The following VPS13A variants were observed in gnomAD, a reference collection of about 807,000 sequenced individuals.
VPS13A encodes the protein intermembrane lipid transfer protein VPS13A.
In VPS13A, 264 loss-of-function variants were observed where a neutral mutation model predicts 390.9. The observed-to-expected ratio is 0.68, with a 90% confidence interval of 0.61 to 0.75. VPS13A has a LOEUF of 0.75. Ranked by LOEUF, VPS13A falls within the 30% of genes least tolerant of loss-of-function variation. VPS13A has a pLI of 0.00. For missense variants in VPS13A, 3,409 were observed against 3,733.9 expected (o/e 0.91, Z 2.27); for synonymous variants, 1,231 against 1,227.1 (o/e 1.00, Z -0.07).
At chr9:77,192,146 T>A (rs73464056) in intron 1 of VPS13A, among the ~76,000 whole-genome samples, 2,852 of 152,314 alleles carry the variant, frequency 0.019, 60 homozygotes, top group African/African-American at 0.052. Context: ...GTCTGTTTTG[T>A]CTGAAATAAG....
intron 67 of VPS13A, among the ~76,000 whole-genome samples, chr9:77,376,911 C>G (rs1489923939): frequency 6.6e-6 from 1 of 151,980 alleles, no homozygotes; most frequent in Non-Finnish European, 1.5e-5. Context: ...GAGGAAGACC[C>G]AGAAAAGGAG....
rs549386558 is a variant in VPS13A at position 77,281,335 on chromosome 9, A to G, written c.2905-532A>G. Reference sequence around the variant, plus strand: ...GAAAGATAGGAAAGCGAGGTGACAGATATGTTAGTTAGCTTAATTTAATCA... The same window carrying G: ...GAAAGATAGGAAAGCGAGGTGACAGGTATGTTAGTTAGCTTAATTTAATCA... On this transcript the variant is annotated intron_variant, in intron 27 of 71. Transcript: ENST00000360280. Among the ~76,000 whole-genome samples the G allele has an allele frequency of 5.3e-5, 8 of 152,332 alleles. No individual in the cohort carries two copies. In the South Asian group the frequency reaches 1.0e-3, roughly 20 times the overall value.
chr9:77,274,864 G>A (rs540279309), intron 24 of VPS13A, among the ~76,000 whole-genome samples: 19 of 151,966 alleles, frequency 1.3e-4, no homozygotes, highest in African/African-American at 4.6e-4. Context: ...GTTTATTAGG[G>A]ATATACTTCT....
intron 68 of VPS13A, among the ~76,000 whole-genome samples, chr9:77,383,856 T>A (rs370231649): frequency 6.6e-6 from 1 of 151,306 alleles, no homozygotes; most frequent in African/African-American, 2.4e-5. Context: ...TTACACAGTA[T>A]TAGCTGAAAT....
chr9:77,374,249 T>C (rs543436004), intron 67 of VPS13A, among the ~76,000 whole-genome samples: 121 of 152,306 alleles, frequency 7.9e-4, no homozygotes, highest in Non-Finnish European at 1.5e-3. Flanking sequence ...TGTTTTCTCC[T>C]GTACATACAT....
intron 17 of VPS13A, among the ~76,000 whole-genome samples, chr9:77,233,335 AC>A (rs1272067557): frequency 6.7e-6 from 1 of 150,342 alleles, no homozygotes; most frequent in Admixed American, 6.6e-5. Context: ...AAATATGTTA[AC>A]CTTTTCAAAG....
At chr9:77,178,021 A>G (rs987849848) in intron 1 of VPS13A, 2 of 537,774 alleles carry the variant, frequency 3.7e-6, no homozygotes, top group Non-Finnish European at 3.4e-6. Context: ...GGAGAGGGTC[A>G]TGAGTGCGGG....
chr9:77,189,198 A>G (rs548742043), intron 1 of VPS13A, among the ~76,000 whole-genome samples: 44 of 145,644 alleles, frequency 3.0e-4, no homozygotes, highest in Non-Finnish European at 5.8e-4. Flanking sequence ...GCTTATGTCC[A>G]GCATGGTATT....
In VPS13A at chr9:77,406,919, T is replaced by C. The variant is rs570368119; in HGVS notation, c.9400-614T>C. On this transcript the variant is annotated intron_variant, in intron 70 of 71. Coordinates refer to ENST00000360280, the MANE Select transcript of VPS13A (RefSeq NM_033305.3). ...CTGTTTGCCCCTGATATGCTTAATATCTGCTCTGAGACAGTCCCACTCCCC... is the reference window on the plus strand; with the variant it reads ...CTGTTTGCCCCTGATATGCTTAATACCTGCTCTGAGACAGTCCCACTCCCC... Among the ~76,000 whole-genome samples, 3 of 152,246 alleles carry C rather than the reference T, an allele frequency of 2.0e-5. No homozygotes were observed. The East Asian group carries it at 5.8e-4, about 29-fold the overall frequency.
At chr9:77,414,885 T>C (rs183877519) in intron 71 of VPS13A, among the ~76,000 whole-genome samples, 1 of 152,264 alleles carries the variant, frequency 6.6e-6, no homozygotes, top group East Asian at 1.9e-4. Flanking sequence ...ATCCTGGCTG[T>C]GGTGACTGTT....
chr9:77,385,073 T>C (rs1833622898), intron 68 of VPS13A: 1 of 1,000,564 alleles, frequency 1.0e-6, no homozygotes. Flanking sequence ...TTTAATGTAA[T>C]GCCACTGTGT....
chr9:77,201,313 G>T, intron 2 of VPS13A, 52 bp from the exon 3 acceptor site: 2 of 1,317,166 alleles, frequency 1.5e-6, no homozygotes, highest in African/African-American at 1.5e-5. Context: ...CATTTATGTT[G>T]TTAAACTCTA....
chr9:77,208,170 T>C (rs1433190041), intron 5 of VPS13A, among the ~76,000 whole-genome samples: 1 of 152,122 alleles, frequency 6.6e-6, no homozygotes, highest in Non-Finnish European at 1.5e-5. Flanking sequence ...GTGGTGAGAG[T>C]CAAAGATTAA....
chr9:77,246,831 A>T (rs1160671505), intron 19 of VPS13A, among the ~76,000 whole-genome samples: 4 of 152,186 alleles, frequency 2.6e-5, no homozygotes, highest in African/African-American at 9.7e-5. Context: ...TTGATAATCC[A>T]GGATTTTTTA....
At chr9:77,334,566 C>T (rs1830443223) in intron 46 of VPS13A, among the ~76,000 whole-genome samples, 1 of 152,112 alleles carries the variant, frequency 6.6e-6, no homozygotes, top group Admixed American at 6.5e-5. Context: ...ACCACTCTGC[C>T]CTCAGTCTAC....
chr9:77,368,152 T>C lies in VPS13A; in HGVS notation c.8553+16T>C. The stretch of plus-strand genomic sequence containing the variant: ...TTCAAAACAGGTTTGTCTAAGATTA[T>C]ATTACAGAGGGACAGAGTGATACAG... On this transcript the variant is annotated intron_variant, in intron 62 of 71. Coordinates refer to ENST00000360280, the MANE Select transcript of VPS13A (RefSeq NM_033305.3). 6.3e-7 allele frequency: 1 copy of C among 1,599,578 alleles called. No homozygotes were observed. The highest frequency in any genetic ancestry group is 1.1e-5 in the South Asian group (1 of 90,048).
Position 77,282,279 on chromosome 9 carries a change from G to GT in VPS13A, c.3118+11dup, listed in dbSNP as rs767593595. ...GAGATGTCATTAAAAAATTAGGTAT[G>GT]TTTTTTAAAAATTTAGCATCAACTT... On this transcript the variant is annotated splice_donor_region_variant and intron_variant, in intron 29 of 71. Transcript: ENST00000360280. 4.5e-5 allele frequency: 73 copies of GT among 1,605,422 alleles called. No homozygotes were observed. Among genetic ancestry groups the GT allele is most frequent in the Non-Finnish European group, 5.8e-5 (68 of 1,176,710 alleles).
At chr9:77,317,738 A>T (rs750589890) in intron 40 of VPS13A, 40 bp downstream of exon 40, 2 of 1,443,882 alleles carry the variant, frequency 1.4e-6, no homozygotes, top group African/African-American at 2.8e-5. Context: ...TAGTGCACTT[A>T]AAAAAAGTAG....
chr9:77,198,678 T>C (rs1479322030), intron 1 of VPS13A, among the ~76,000 whole-genome samples: 1 of 152,308 alleles, frequency 6.6e-6, no homozygotes, highest in Non-Finnish European at 1.5e-5. Context: ...TATTTATTTA[T>C]TTTGAGATGG....
Sources: allele counts gnomAD v4.1 joint callset (sites outside exome capture counted in the v4.1 genomes callset), GRCh38; gene constraint gnomAD v4.1.1; transcripts MANE v1.5; gene names NCBI Gene and HGNC (gene_info 2026-07-23, HGNC 2026-07-21).